MCU: variants seen among roughly 807,000 people sequenced by gnomAD.
The protein encoded by MCU is mitochondrial calcium uniporter, also known as calcium uniporter protein, mitochondrial.
In MCU, 12 loss-of-function variants were observed where a neutral mutation model predicts 45.2. That is an observed-to-expected ratio of 0.27 (90% CI 0.17 to 0.43). MCU has a LOEUF of 0.43. Among genes scored for constraint, MCU ranks in the 20% least tolerant of loss-of-function variants. The probability of loss-of-function intolerance (pLI) is 1.00; values close to 1 mark genes in which losing one functional copy is unlikely to be tolerated. For synonymous variants in MCU, 160 were observed against 165.1 expected (o/e 0.97, Z 0.24); for missense variants, 324 against 436.7 (o/e 0.74, Z 2.30).
intron 1 of MCU, among the ~76,000 whole-genome samples, chr10:72,707,974 C>CA (rs61042384): frequency 6.7e-5 from 10 of 150,346 alleles, no homozygotes; most frequent in South Asian, 6.3e-4. Flanking sequence ...ACGTTCAGTT[C>CA]AAAAAAAAAC....
chr10:72,724,360 A>G lies in MCU; in HGVS notation c.150+32059A>G, dbSNP rs190772658. ...TATAAGTGAAGTGAGATTCTTTTAA[A>G]AGTACTGTCTTTCCCTTTGCTGTGA... On this transcript the variant is annotated intron_variant, in intron 1 of 7. Transcript: ENST00000373053. Among the ~76,000 whole-genome samples, 13 of 152,288 alleles carry G rather than the reference A, an allele frequency of 8.5e-5. No individual in the cohort carries two copies. The East Asian group carries it at 2.5e-3, about 29-fold the overall frequency.
chr10:72,806,343 A>G (rs1471052422), intron 1 of MCU, among the ~76,000 whole-genome samples: 1 of 152,076 alleles, frequency 6.6e-6, no homozygotes, highest in Non-Finnish European at 1.5e-5. Flanking sequence ...TGTCTTTAGT[A>G]GAGACGGGGT....
At chr10:72,846,464 C>G (rs1415190232) in intron 2 of MCU, among the ~76,000 whole-genome samples, 1 of 152,168 alleles carries the variant, frequency 6.6e-6, no homozygotes, top group African/African-American at 2.4e-5. Flanking sequence ...GCTTTATATG[C>G]TACTCGCGCA....
At chr10:72,707,474 A>G (rs1470610820) in intron 1 of MCU, among the ~76,000 whole-genome samples, 1 of 152,188 alleles carries the variant, frequency 6.6e-6, no homozygotes, top group Non-Finnish European at 1.5e-5. Flanking sequence ...CTGGGATTGC[A>G]GGCATGCGCC....
rs1434331738 is a variant in MCU at position 72,802,908 on chromosome 10, A to G, written c.151-31451A>G. The stretch of plus-strand genomic sequence containing the variant: ...TAATTATGTTGAGTAGCATTTCACT[A>G]TAGTTTAACCAACAGTGGTTTCATT... On this transcript the variant is annotated intron_variant, in intron 1 of 7. Coordinates refer to ENST00000373053, the MANE Select transcript of MCU (RefSeq NM_138357.3). 2.0e-5 allele frequency among the ~76,000 whole-genome samples: 3 copies of G among 152,348 alleles called. No homozygotes were observed. In the East Asian group the frequency reaches 5.8e-4, roughly 29 times the overall value.
At chr10:72,830,843 C>A (rs1160025857) in intron 1 of MCU, among the ~76,000 whole-genome samples, 1 of 152,182 alleles carries the variant, frequency 6.6e-6, no homozygotes, top group Non-Finnish European at 1.5e-5. Flanking sequence ...AGATCCCCAA[C>A]AAAGCCAGCC....
At chr10:72,881,517 C>T (rs1338231743) in intron 6 of MCU, among the ~76,000 whole-genome samples, 1 of 152,056 alleles carries the variant, frequency 6.6e-6, no homozygotes, top group African/African-American at 2.4e-5. Flanking sequence ...GATCCCATCT[C>T]ACAAAAGAGA....
rs1435890480 is a variant in MCU, at chr10:72,704,704, A to ACTTTTTTTTTTTTTTTTTTT, written c.150+12403_150+12404insCTTTTTTTTTTTTTTTTTTT. On this transcript the variant is annotated intron_variant, in intron 1 of 7. Coordinates refer to ENST00000373053, the MANE Select transcript of MCU (RefSeq NM_138357.3). The stretch of plus-strand genomic sequence containing the variant: ...AGGCATGCACTGTCATGCCTGGATA[A>ACTTTTTTTTTTTTTTTTTTT]TTTTTTTTTTTTTTTTTTTTTTTTT... Among the ~76,000 whole-genome samples the ACTTTTTTTTTTTTTTTTTTT allele has an allele frequency of 6.6e-5, 7 of 106,746 alleles. 1 individual carries two copies. Among genetic ancestry groups the ACTTTTTTTTTTTTTTTTTTT allele is most frequent in the Non-Finnish European group, 7.0e-5 (4 of 56,786 alleles). The allele number at this position is 106,746 out of a possible 152,430, so 70.0% of individuals were successfully genotyped here.
At chr10:72,694,426 G>A (rs903275274) in intron 1 of MCU, among the ~76,000 whole-genome samples, 3 of 152,118 alleles carry the variant, frequency 2.0e-5, no homozygotes, top group Admixed American at 2.0e-4. Flanking sequence ...TCTTTTCATT[G>A]TAAAGTGCAA....
At chr10:72,872,263 T>TG (rs1156767484) in intron 6 of MCU, among the ~76,000 whole-genome samples, 2 of 152,164 alleles carry the variant, frequency 1.3e-5, no homozygotes, top group African/African-American at 4.8e-5. Context: ...ATTTTTTTTT[T>TG]GTTGGGGACA....
chr10:72,759,701 C>T (rs1380674826), intron 1 of MCU, among the ~76,000 whole-genome samples: 1 of 152,078 alleles, frequency 6.6e-6, no homozygotes, highest in Non-Finnish European at 1.5e-5. Flanking sequence ...GAAGCCTAAC[C>T]CTCAATGTGA....
chr10:72,791,715 A>G (rs1444378694), intron 1 of MCU, among the ~76,000 whole-genome samples: 3 of 152,184 alleles, frequency 2.0e-5, no homozygotes, highest in Non-Finnish European at 4.4e-5. Flanking sequence ...GTAACTGAGT[A>G]CAGGTATACT....
At chr10:72,797,682 C>T (rs1164656746) in intron 1 of MCU, among the ~76,000 whole-genome samples, 1 of 150,788 alleles carries the variant, frequency 6.6e-6, no homozygotes, top group Non-Finnish European at 1.5e-5. Flanking sequence ...TTACAGGCGC[C>T]CACCACCACG....
intron 1 of MCU, among the ~76,000 whole-genome samples, chr10:72,774,184 A>G (rs1188566030): frequency 6.6e-6 from 1 of 152,186 alleles, no homozygotes; most frequent in African/African-American, 2.4e-5. Context: ...TATCAAAAAC[A>G]ATAATAGCTA....
At chr10:72,853,723 A>G (rs192984228) in intron 2 of MCU, among the ~76,000 whole-genome samples, 3 of 152,358 alleles carry the variant, frequency 2.0e-5, no homozygotes, top group Admixed American at 2.0e-4. Context: ...AAATGTTGAA[A>G]AGCAGGCAGA....
intron 1 of MCU, among the ~76,000 whole-genome samples, chr10:72,741,460 G>A (rs1345650658): frequency 1.3e-5 from 2 of 152,178 alleles, no homozygotes; most frequent in African/African-American, 4.8e-5. Flanking sequence ...AGCAAATTAT[G>A]TCAAAAATAT....
chr10:72,742,793 A>G (rs1466456691), intron 1 of MCU, among the ~76,000 whole-genome samples: 1 of 152,198 alleles, frequency 6.6e-6, no homozygotes, highest in African/African-American at 2.4e-5. Context: ...AGAAAACACC[A>G]GGGAACCCAA....
chr10:72,760,180 G>A (rs1351650298), intron 1 of MCU, among the ~76,000 whole-genome samples: 1 of 152,058 alleles, frequency 6.6e-6, no homozygotes, highest in Non-Finnish European at 1.5e-5. Flanking sequence ...GAGTAGCAAG[G>A]ACCACAGGCA....
chr10:72,848,669 GC>G (rs1845159191), intron 2 of MCU, among the ~76,000 whole-genome samples: 1 of 152,122 alleles, frequency 6.6e-6, no homozygotes, highest in Non-Finnish European at 1.5e-5. Flanking sequence ...ATTATAGAGA[GC>G]CTTCTTGAAG....
Sources: gnomAD v4.1 joint callset for allele counts (sites outside exome capture counted in the v4.1 genomes callset) on GRCh38, gnomAD v4.1.1 for gene constraint, MANE v1.5 for transcripts, NCBI Gene and HGNC (gene_info 2026-07-23, HGNC 2026-07-21) for gene names.